The following NT5C2 variants were observed in gnomAD, a reference collection of about 807,000 sequenced individuals.
The protein encoded by NT5C2 is 5'-nucleotidase, cytosolic II.
A neutral mutation model predicts 76.1 loss-of-function variants in NT5C2; 58 were observed. The observed-to-expected ratio is 0.76, with a 90% CI of 0.62 to 0.95. The LOEUF is 0.95. Among genes scored for constraint, NT5C2 ranks in the 40% least tolerant of loss-of-function variants. NT5C2 has a pLI of 0.00. For synonymous variants in NT5C2, 229 were observed against 237.4 expected, an observed-to-expected ratio of 0.96 and a Z score of 0.32; for missense variants, 478 against 690.3, an observed-to-expected ratio of 0.69 and a Z score of 3.45.
At chr10:103,130,229 G>A (rs946163731) in intron 4 of NT5C2, among the ~76,000 whole-genome samples, 9 of 151,456 alleles carry the variant, frequency 5.9e-5, no homozygotes, top group African/African-American at 2.2e-4. Flanking sequence ...CCTCTGCCTT[G>A]GGATCCTGTT....
chr10:103,162,771 AT>A (rs1054777620), intron 3 of NT5C2, among the ~76,000 whole-genome samples: 4 of 152,150 alleles, frequency 2.6e-5, no homozygotes, highest in Admixed American at 6.5e-5. Flanking sequence ...CATTATTCTT[AT>A]TTTTTTCAAC....
chr10:103,159,597 T>G (rs865776221), intron 3 of NT5C2, among the ~76,000 whole-genome samples: 1 of 151,062 alleles, frequency 6.6e-6, no homozygotes, highest in African/African-American at 2.4e-5. Context: ...TACAGTGAGC[T>G]ATGATCATGT....
intron 4 of NT5C2, among the ~76,000 whole-genome samples, chr10:103,124,375 A>G (rs975908190): frequency 6.6e-6 from 1 of 152,234 alleles, no homozygotes; most frequent in African/African-American, 2.4e-5. Context: ...ATCATTTGCA[A>G]TACTTAAACA....
intron 1 of NT5C2, among the ~76,000 whole-genome samples, chr10:103,181,777 G>T (rs947710094): frequency 2.0e-5 from 3 of 152,142 alleles, no homozygotes; most frequent in African/African-American, 7.2e-5. Flanking sequence ...GGCCAAGGTG[G>T]GTGGATCATT....
chr10:103,101,239 T>TA lies in NT5C2; in HGVS notation c.476dup (p.Pro160ThrfsTer15). On this transcript the variant is annotated frameshift_variant, in exon 7 of 19. Transcript: ENST00000404739. LOFTEE classifies it high-confidence loss of function. ...ATAAGCATAGAATGAATCTACCTGG[T>TA]AGGTTGAATAGTGTGTTCAGAATGT... The TA allele has an allele frequency of 6.4e-7, 1 of 1,569,378 alleles. No homozygotes were observed. The highest frequency in any genetic ancestry group is 8.8e-7 in the Non-Finnish European group (1 of 1,139,878).
chr10:103,177,827 A>G (rs1189822131), intron 2 of NT5C2, among the ~76,000 whole-genome samples: 1 of 152,242 alleles, frequency 6.6e-6, no homozygotes, highest in Non-Finnish European at 1.5e-5. Context: ...GCCACTTTAA[A>G]GTGAACAAGT....
At chr10:103,172,271 G>A (rs2088327253) in intron 3 of NT5C2, among the ~76,000 whole-genome samples, 1 of 148,974 alleles carries the variant, frequency 6.7e-6, no homozygotes, top group African/African-American at 2.5e-5. Context: ...TTTTGAGACG[G>A]AGTCTCGCTC....
rs367740464 is a variant in NT5C2, at chr10:103,132,840, G to C, written c.175+6566C>G. The stretch of plus-strand genomic sequence containing the variant: ...GTTGGGATTATAGGCGTGAGCCACC[G>C]CGCCTGGCCGCGGTCTAAAGTAATT... On this transcript the variant is annotated intron_variant, in intron 4 of 18. Coordinates refer to ENST00000404739, the MANE Select transcript of NT5C2 (RefSeq NM_001351169.2). 1.4e-4 allele frequency among the ~76,000 whole-genome samples: 21 copies of C among 152,152 alleles called. No homozygotes were observed. The Middle Eastern group carries it at 0.01, about 74-fold the overall frequency.
chr10:103,159,600 G>C (rs896804473), intron 3 of NT5C2, among the ~76,000 whole-genome samples: 11 of 150,486 alleles, frequency 7.3e-5, no homozygotes, highest in Admixed American at 5.3e-4. Context: ...AGTGAGCTAT[G>C]ATCATGTCAC....
intron 4 of NT5C2, among the ~76,000 whole-genome samples, chr10:103,115,252 A>G (rs2135511343): frequency 6.6e-6 from 1 of 152,302 alleles, no homozygotes; most frequent in Non-Finnish European, 1.5e-5. Context: ...ATACAAAAAA[A>G]TTAGCCGGGC....
chr10:103,191,137 A>T (rs1050620661), intron 1 of NT5C2, among the ~76,000 whole-genome samples: 1 of 152,232 alleles, frequency 6.6e-6, no homozygotes, highest in African/African-American at 2.4e-5. Context: ...TCAAGCCTGT[A>T]ATCCCAGTAC....
intron 6 of NT5C2, among the ~76,000 whole-genome samples, chr10:103,103,838 A>C (rs1255004357): frequency 6.6e-6 from 1 of 151,916 alleles, no homozygotes; most frequent in African/African-American, 2.4e-5. Context: ...TTTTCATGGG[A>C]ATTTTAATTT....
At chr10:103,168,318 C>A (rs915016010) in intron 3 of NT5C2, among the ~76,000 whole-genome samples, 3 of 152,172 alleles carry the variant, frequency 2.0e-5, no homozygotes, top group African/African-American at 7.2e-5. Flanking sequence ...AAAGCCAATT[C>A]ATTGTCCTAC....
intron 4 of NT5C2, among the ~76,000 whole-genome samples, chr10:103,129,979 G>A (rs1322472304): frequency 1.9e-4 from 29 of 149,928 alleles, no homozygotes; most frequent in African/African-American, 6.8e-4. Flanking sequence ...GGGAGGTGAG[G>A]GGCGCCTCTG....
At position 103,128,891 on chromosome 10, in the gene NT5C2, G is replaced by A. The variant is rs1407783553; in HGVS notation, c.175+10515C>T. Among the ~76,000 whole-genome samples, 16 of 84,842 alleles carry A rather than the reference G, an allele frequency of 1.9e-4. 1 individual carries two copies. In the South Asian group the frequency reaches 6.5e-3, roughly 34 times the overall value. 55.7% of individuals were successfully genotyped at this position (84,842 alleles called of 152,430 possible). A position where few individuals can be genotyped will look rare whatever the true frequency, so the allele number is the denominator to read the frequency against. On this transcript the variant is annotated intron_variant, in intron 4 of 18. Coordinates refer to ENST00000404739, the MANE Select transcript of NT5C2 (RefSeq NM_001351169.2). ...CCGGCAGCTGCCCCGTCTGAGAAGT[G>A]AGGAGCCTCTCCGCCCGGCAGCCAC...
chr10:103,174,757 G>A (rs937862997), intron 3 of NT5C2, 101 bp downstream of exon 3: 24 of 807,226 alleles, frequency 3.0e-5, no homozygotes, highest in African/African-American at 2.5e-4. Flanking sequence ...CATACGATCT[G>A]GGTTATTTAC....
intron 4 of NT5C2, among the ~76,000 whole-genome samples, chr10:103,114,876 A>C (rs2073966257): frequency 6.6e-6 from 1 of 152,248 alleles, no homozygotes; most frequent in African/African-American, 2.4e-5. Context: ...CAGAATCACA[A>C]CATCCTCATG....
In NT5C2 at chr10:103,090,798, G is replaced by A. The variant is rs763764180; in HGVS notation, c.1273-11C>T. On this transcript the variant is annotated splice_polypyrimidine_tract_variant and intron_variant, in intron 17 of 18. Coordinates refer to ENST00000404739, the MANE Select transcript of NT5C2 (RefSeq NM_001351169.2). ...GTCATGAGTTACTTTCTAAAACAAA[G>A]AACAAGATTGATTCTTGGCTCATTC... 6.2e-7 allele frequency: 1 copy of A among 1,613,282 alleles called. No individual in the cohort carries two copies. Among genetic ancestry groups the A allele is most frequent in the Non-Finnish European group, 8.5e-7 (1 of 1,179,518 alleles).
chr10:103,130,784 C>T (rs2078021003), intron 4 of NT5C2, among the ~76,000 whole-genome samples: 1 of 151,844 alleles, frequency 6.6e-6, no homozygotes, highest in South Asian at 2.1e-4. Context: ...ATTCTCAAAA[C>T]ATCATTATTC....
Sources: gnomAD v4.1 joint callset for allele counts (sites outside exome capture counted in the v4.1 genomes callset) on GRCh38, gnomAD v4.1.1 for gene constraint, MANE v1.5 for transcripts, NCBI Gene and HGNC (gene_info 2026-07-23, HGNC 2026-07-21) for gene names.